STAT4: variants seen among roughly 807,000 people sequenced by gnomAD.
STAT4 encodes signal transducer and activator of transcription 4.
STAT4 carries 42 observed loss-of-function variants against 110.5 expected under a neutral mutation model. The observed-to-expected ratio is 0.38, with a 90% CI of 0.30 to 0.49. STAT4 has a LOEUF of 0.49. Among genes scored for constraint, STAT4 ranks in the 20% least tolerant of loss-of-function variants. The probability of loss-of-function intolerance (pLI) is 0.95; values close to 1 mark genes in which losing one functional copy is unlikely to be tolerated. For missense variants in STAT4, 632 were observed against 887.9 expected (o/e 0.71, Z 3.66); for synonymous variants, 284 against 302.2 (o/e 0.94, Z 0.63).
rs563017264 is a variant in STAT4 at position 191,147,705 on chromosome 2, A to C, written c.128+371T>G. ...TAAAAAAGATGGCTGAAAAAAATTA[A>C]ATGGTATAAGGTGAATAGAGCTTTG... On this transcript the variant is annotated intron_variant, in intron 2 of 23. Coordinates refer to ENST00000392320, the MANE Select transcript of STAT4 (RefSeq NM_003151.4). This position sits in a 1 kb window ranked among gnomAD's most constrained non-coding sequence, Gnocchi z 4.1. 6.6e-5 allele frequency among the ~76,000 whole-genome samples: 10 copies of C among 152,326 alleles called. No individual in the cohort carries two copies. Among genetic ancestry groups the C allele is most frequent in the African/African-American group, 2.4e-4 (10 of 41,578 alleles).
At position 191,146,384 on chromosome 2, in the gene STAT4, C is replaced by T. The variant is rs1699460672; in HGVS notation, c.273+229G>A. 1.3e-5 allele frequency among the ~76,000 whole-genome samples: 2 copies of T among 152,134 alleles called. No individual in the cohort carries two copies. The highest frequency in any genetic ancestry group is 6.6e-5 in the Admixed American group (1 of 15,262). On this transcript the variant is annotated intron_variant, in intron 3 of 23. Coordinates refer to ENST00000392320, the MANE Select transcript of STAT4 (RefSeq NM_003151.4). This position sits in a 1 kb window ranked among gnomAD's most constrained non-coding sequence, Gnocchi z 4.5. ...ACAAGATACATGCAAGTCCCACATG[C>T]AACACACTTGTAATGTATTTTATAC...
intron 3 of STAT4, among the ~76,000 whole-genome samples, chr2:191,118,814 A>T (rs1302166915): frequency 6.6e-6 from 1 of 152,136 alleles, no homozygotes; most frequent in Non-Finnish European, 1.5e-5. Flanking sequence ...GCTAGAGTGC[A>T]GTGGCTTGAT....
chr2:191,039,285 G>C lies in STAT4; in HGVS notation c.1348C>G (p.Pro450Ala), dbSNP rs544508292. ...CTGACATTGGAAATCATCACCACAG[G>C]CAATGAGCTGGTCTGGTTTGGGGGG... is the stretch of plus-strand genomic sequence containing the variant. ...LTIDLETSSL[P>A]VVMISNVSQL... The change falls in exon 16 of 24, where the codon CCT (proline) becomes GCT (alanine). Residue 450 changes from proline (P) to alanine (A), a missense_variant. Pro to Ala is a conservative substitution (Grantham distance 27). Coordinates refer to ENST00000392320, the MANE Select transcript of STAT4 (RefSeq NM_003151.4). The surrounding 1 kb of genome is among the most constrained non-coding windows in gnomAD (Gnocchi z 4.7). 1 of 1,614,116 alleles carries C rather than the reference G, an allele frequency of 6.2e-7. No individual in the cohort carries two copies. Among genetic ancestry groups the C allele is most frequent in the South Asian group, 1.1e-5 (1 of 91,076 alleles).
In STAT4 at chr2:191,046,600, A is replaced by G. The variant is rs968366249; in HGVS notation, c.1252-5452T>C. Among the ~76,000 whole-genome samples the G allele has an allele frequency of 4.6e-5, 7 of 152,116 alleles. No individual in the cohort carries two copies. The highest frequency in any genetic ancestry group is 1.7e-4 in the African/African-American group (7 of 41,418). On this transcript the variant is annotated intron_variant, in intron 14 of 23. Coordinates refer to ENST00000392320, the MANE Select transcript of STAT4 (RefSeq NM_003151.4). This position sits in a 1 kb window ranked among gnomAD's most constrained non-coding sequence, Gnocchi z 4.6. ...GCACATTGCCTTAACCCCACAGAAG[A>G]CTTTCTTTGTAGGGAGGACTGCAGC...
chr2:191,109,367 G>A (rs1019179864), intron 3 of STAT4, among the ~76,000 whole-genome samples: 8 of 151,856 alleles, frequency 5.3e-5, no homozygotes, highest in African/African-American at 1.9e-4. Context: ...GTATAGCTAA[G>A]AAGAGAATGT....
rs2125230800 is a variant in STAT4 at position 191,062,274 on chromosome 2, C to T, written c.942-453G>A. 6.6e-6 allele frequency among the ~76,000 whole-genome samples: 1 copy of T among 152,122 alleles called. No homozygotes were observed. The highest frequency in any genetic ancestry group is 1.9e-4 in the East Asian group (1 of 5,166). On this transcript the variant is annotated intron_variant, in intron 9 of 23. Transcript: ENST00000392320. The surrounding 1 kb of genome is among the most constrained non-coding windows in gnomAD (Gnocchi z 4.9). ...GTCTTTTTATGCTGTCCAGGCTGTT[C>T]TACAACTCCTGAGCTCAAGCAACCC...
At chr2:191,081,148 A>G (rs1187544129) in intron 3 of STAT4, among the ~76,000 whole-genome samples, 1 of 152,186 alleles carries the variant, frequency 6.6e-6, no homozygotes, top group Non-Finnish European at 1.5e-5. Context: ...AGCTTCATCC[A>G]TGTCCCTGCA....
chr2:191,151,402 T>G (rs1024704389), upstream of STAT4: 44 of 985,536 alleles, frequency 4.5e-5, no homozygotes, highest in African/African-American at 7.7e-4. The surrounding 1 kb of genome is among the most constrained non-coding windows in gnomAD (Gnocchi z 4.7). Flanking sequence ...GAACCACCCC[T>G]GGGATGGAAG....
chr2:191,110,431 T>G lies in STAT4; in HGVS notation c.274-34106A>C, dbSNP rs1698393846. Among the ~76,000 whole-genome samples the G allele has an allele frequency of 6.6e-6, 1 of 152,154 alleles. No individual in the cohort carries two copies. The highest frequency in any genetic ancestry group is 1.5e-5 in the Non-Finnish European group (1 of 68,036). On this transcript the variant is annotated intron_variant, in intron 3 of 23. Coordinates refer to ENST00000392320, the MANE Select transcript of STAT4 (RefSeq NM_003151.4). The surrounding 1 kb of genome is among the most constrained non-coding windows in gnomAD (Gnocchi z 4.5). Reference sequence around the variant, plus strand: ...CGCACATATCATCTCATTCAAAGCCTACTGTAGCCCTAAGATAGCTATTAT... The same window carrying G: ...CGCACATATCATCTCATTCAAAGCCGACTGTAGCCCTAAGATAGCTATTAT...
upstream of STAT4, chr2:191,151,045 T>C: frequency 1.0e-6 from 1 of 985,478 alleles, no homozygotes; most frequent in Non-Finnish European, 1.2e-6. The surrounding 1 kb of genome is among the most constrained non-coding windows in gnomAD (Gnocchi z 4.7). Context: ...CCATCATCAG[T>C]AGGGGATTTG....
rs920310714 is a variant in STAT4, at chr2:191,042,987, C to G, written c.1252-1839G>C. Reference sequence around the variant, plus strand: ...AGAGATGGGGTTTCTCCATGTTGGTCAAGCTGGGCTCGAACTCCCGACCTC... The same window carrying G: ...AGAGATGGGGTTTCTCCATGTTGGTGAAGCTGGGCTCGAACTCCCGACCTC... On this transcript the variant is annotated intron_variant, in intron 14 of 23. Transcript: ENST00000392320. The surrounding 1 kb of genome is among the most constrained non-coding windows in gnomAD (Gnocchi z 4.2). Among the ~76,000 whole-genome samples, 1 of 152,188 alleles carries G rather than the reference C, an allele frequency of 6.6e-6. No individual in the cohort carries two copies.
intron 3 of STAT4, among the ~76,000 whole-genome samples, chr2:191,125,648 T>C (rs1025108220): frequency 2.6e-5 from 4 of 151,890 alleles, no homozygotes; most frequent in African/African-American, 9.7e-5. Context: ...CACGCTACCA[T>C]GCCCAACTAA....
intron 8 of STAT4, among the ~76,000 whole-genome samples, chr2:191,063,515 G>A (rs1425119895): frequency 6.6e-6 from 1 of 152,126 alleles, no homozygotes; most frequent in Non-Finnish European, 1.5e-5. Flanking sequence ...CCTCAGAAAC[G>A]GAGGTGGCAG....
At chr2:191,127,945 G>A (rs1386045094) in intron 3 of STAT4, among the ~76,000 whole-genome samples, 1 of 152,200 alleles carries the variant, frequency 6.6e-6, no homozygotes, top group East Asian at 1.9e-4. Flanking sequence ...TGAAATTTCA[G>A]GTGGTTGGAG....
upstream of STAT4, chr2:191,151,496 G>A: frequency 3.0e-6 from 3 of 985,526 alleles, no homozygotes; most frequent in Non-Finnish European, 3.6e-6. The surrounding 1 kb of genome is among the most constrained non-coding windows in gnomAD (Gnocchi z 4.7). Flanking sequence ...TCCGACGAGG[G>A]TGACCTGACC....
rs1696492587 is a variant in STAT4 at position 191,050,570 on chromosome 2, C to G, written c.1251+3920G>C. Among the ~76,000 whole-genome samples, 1 of 151,942 alleles carries G rather than the reference C, an allele frequency of 6.6e-6. No homozygotes were observed. Among genetic ancestry groups the G allele is most frequent in the African/African-American group, 2.4e-5 (1 of 41,358 alleles). On this transcript the variant is annotated intron_variant, in intron 14 of 23. Coordinates refer to ENST00000392320, the MANE Select transcript of STAT4 (RefSeq NM_003151.4). This position sits in a 1 kb window ranked among gnomAD's most constrained non-coding sequence, Gnocchi z 4.3. ...TAGTCAAAGGGACTTCAGAGATTGTCTAGTCCAATGAGTCCAAATGTTTTT... is the reference window on the plus strand; with the variant it reads ...TAGTCAAAGGGACTTCAGAGATTGTGTAGTCCAATGAGTCCAAATGTTTTT...
At chr2:191,148,243 G>A in intron 1 of STAT4, 39 bp from the exon 2 acceptor site, 1 of 1,603,562 alleles carries the variant, frequency 6.2e-7, no homozygotes. Context: ...TTAAAATATT[G>A]TTCATAGCCC....
Position 191,138,539 on chromosome 2 carries a change from T to A in STAT4, c.273+8074A>T, listed in dbSNP as rs79135926. Among the ~76,000 whole-genome samples the A allele has an allele frequency of 1.8e-3, 278 of 152,134 alleles. No homozygotes were observed. The highest frequency in any genetic ancestry group is 6.4e-3 in the African/African-American group (267 of 41,528). On this transcript the variant is annotated intron_variant, in intron 3 of 23. Coordinates refer to ENST00000392320, the MANE Select transcript of STAT4 (RefSeq NM_003151.4). The surrounding 1 kb of genome is among the most constrained non-coding windows in gnomAD (Gnocchi z 4.3). Reference sequence around the variant, plus strand: ...ATAAATTCCTGGAAATATAAAACCCTCCTAAATTAAATCAGGAAGAAACAG... The same window carrying A: ...ATAAATTCCTGGAAATATAAAACCCACCTAAATTAAATCAGGAAGAAACAG...
chr2:191,050,268 G>A lies in STAT4; in HGVS notation c.1251+4222C>T, dbSNP rs191902972. ...GCTAGATAAGTACCTCCAGGGAAAG[G>A]TTGCTTCCTGGGAATGTTTATTTTA... On this transcript the variant is annotated intron_variant, in intron 14 of 23. Transcript: ENST00000392320. This position sits in a 1 kb window ranked among gnomAD's most constrained non-coding sequence, Gnocchi z 4.3. Among the ~76,000 whole-genome samples, 73 of 152,316 alleles carry A rather than the reference G, an allele frequency of 4.8e-4. No individual in the cohort carries two copies. The highest frequency in any genetic ancestry group is 1.9e-3 in the South Asian group (9 of 4,830).
Sources: gnomAD v4.1 joint callset for allele counts (sites outside exome capture counted in the v4.1 genomes callset) on GRCh38, gnomAD v4.1.1 for gene constraint, Gnocchi (gnomAD v3.1) non-coding constraint, MANE v1.5 for transcripts, NCBI Gene and HGNC (gene_info 2026-07-23, HGNC 2026-07-21) for gene names.